ANKS1B: variants seen among roughly 807,000 people sequenced by gnomAD.
ANKS1B encodes ankyrin repeat and sterile alpha motif domain containing 1B, also known as ankyrin repeat and sterile alpha motif domain-containing protein 1B.
ANKS1B carries 36 observed loss-of-function variants against 148.3 expected under a neutral mutation model. That is an observed-to-expected ratio of 0.24 (90% CI 0.19 to 0.32). The LOEUF (loss-of-function observed/expected upper bound fraction) is 0.32, where lower values mean the gene tolerates loss of function less well. Ranked by LOEUF, ANKS1B falls within the 10% of genes least tolerant of loss-of-function variation. The pLI is 1.00. For synonymous variants in ANKS1B, 542 were observed against 560.8 expected (o/e 0.97, Z 0.47); for missense variants, 1,157 against 1,542.6 (o/e 0.75, Z 4.19).
At chr12:99,184,769 C>G (rs1010453177) in intron 14 of ANKS1B, among the ~76,000 whole-genome samples, 3 of 152,152 alleles carry the variant, frequency 2.0e-5, no homozygotes, top group African/African-American at 7.2e-5. Context: ...CCTGAATTTC[C>G]TCTGCCACTT....
chr12:99,077,045 A>C (rs2048096391), intron 16 of ANKS1B, among the ~76,000 whole-genome samples: 1 of 152,160 alleles, frequency 6.6e-6, no homozygotes, highest in Admixed American at 6.6e-5. Flanking sequence ...AAAAAACAAA[A>C]AACAAAAATA....
intron 12 of ANKS1B, among the ~76,000 whole-genome samples, chr12:99,314,224 C>A (rs2083637821): frequency 1.3e-5 from 2 of 151,986 alleles, no homozygotes; most frequent in Admixed American, 1.3e-4. Context: ...TGTGAAGGAC[C>A]TCTTCAAGGA....
intron 17 of ANKS1B, among the ~76,000 whole-genome samples, chr12:98,841,241 C>T (rs1179761209): frequency 1.3e-5 from 2 of 152,038 alleles, no homozygotes; most frequent in Non-Finnish European, 2.9e-5. Flanking sequence ...TAACATATAT[C>T]CATATAAAAT....
intron 1 of ANKS1B, among the ~76,000 whole-genome samples, chr12:99,850,411 C>G (rs949287712): frequency 6.6e-6 from 1 of 151,274 alleles, no homozygotes; most frequent in African/African-American, 2.4e-5. Context: ...TTTATAAACT[C>G]TTTTCTCTTA....
At chr12:99,285,777 G>C (rs2079050752) in intron 12 of ANKS1B, among the ~76,000 whole-genome samples, 1 of 152,034 alleles carries the variant, frequency 6.6e-6, no homozygotes, top group Non-Finnish European at 1.5e-5. Context: ...AGTAATTGTG[G>C]GACTTTGCAC....
chr12:99,014,923 T>C (rs2099941503), intron 17 of ANKS1B, among the ~76,000 whole-genome samples: 1 of 152,118 alleles, frequency 6.6e-6, no homozygotes, highest in South Asian at 2.1e-4. Context: ...TTGGTGTGAG[T>C]ATAAACTAGT....
chr12:99,366,070 T>TA (rs1411524332), intron 12 of ANKS1B, among the ~76,000 whole-genome samples: 1 of 152,218 alleles, frequency 6.6e-6, no homozygotes, highest in Non-Finnish European at 1.5e-5. Context: ...CTGTTCTCTG[T>TA]ATTACAGGGG....
In ANKS1B at chr12:98,829,401, C is replaced by T; in HGVS notation, c.2887-48G>A. On this transcript the variant is annotated intron_variant, in intron 18 of 26. Coordinates refer to ENST00000683438, the MANE Select transcript of ANKS1B (RefSeq NM_001352186.2). The surrounding 1 kb of genome is among the most constrained non-coding windows in gnomAD (Gnocchi z 5.2). ...ATAAATACCATGTTCTGTGGCTAAC[C>T]TTTGGTTTCAAAATTGTGAAATACT... The T allele has an allele frequency of 6.4e-7, 1 of 1,573,608 alleles. No individual in the cohort carries two copies. The highest frequency in any genetic ancestry group is 1.2e-5 in the South Asian group (1 of 86,270).
intron 12 of ANKS1B, among the ~76,000 whole-genome samples, chr12:99,265,960 G>A (rs2076402834): frequency 6.6e-6 from 1 of 152,102 alleles, no homozygotes; most frequent in Non-Finnish European, 1.5e-5. Flanking sequence ...TAATCAGCAT[G>A]TAGATGTCAC....
At chr12:99,150,812 C>T (rs948103425) in intron 15 of ANKS1B, among the ~76,000 whole-genome samples, 29 of 151,868 alleles carry the variant, frequency 1.9e-4, no homozygotes, top group African/African-American at 7.0e-4. Context: ...GGCAGCATTC[C>T]CAGAGGTTAG....
chr12:99,481,098 G>A (rs887763317), intron 10 of ANKS1B, among the ~76,000 whole-genome samples: 1 of 151,578 alleles, frequency 6.6e-6, no homozygotes, highest in African/African-American at 2.4e-5. Flanking sequence ...TTATATAGTG[G>A]TGAATTCTGA....
chr12:98,919,641 A>G (rs11109669), intron 17 of ANKS1B, among the ~76,000 whole-genome samples: 5,502 of 152,232 alleles, frequency 0.036, 145 homozygotes, highest in Non-Finnish European at 0.054. Context: ...ATCTAATTAG[A>G]TTTCTTTAAA....
At chr12:99,154,101 C>T (rs2075631091) in intron 15 of ANKS1B, among the ~76,000 whole-genome samples, 188 bp downstream of exon 15, 1 of 152,132 alleles carries the variant, frequency 6.6e-6, no homozygotes, top group Non-Finnish European at 1.5e-5. Flanking sequence ...ACATACAGAT[C>T]TCATTTTTTA....
At chr12:99,225,946 A>G (rs1033339600) in intron 14 of ANKS1B, among the ~76,000 whole-genome samples, 4 of 152,360 alleles carry the variant, frequency 2.6e-5, no homozygotes, top group African/African-American at 7.2e-5. Context: ...GAGAACCCTA[A>G]TACATGGATT....
At chr12:99,083,942 C>T (rs1001326889) in intron 16 of ANKS1B, 3 of 152,038 alleles carry the variant, frequency 2.0e-5, no homozygotes, top group Non-Finnish European at 4.4e-5. Flanking sequence ...AATTAAAATC[C>T]CACATATCTG....
At chr12:99,752,273 C>T (rs1189357213) in intron 8 of ANKS1B, among the ~76,000 whole-genome samples, 1 of 152,022 alleles carries the variant, frequency 6.6e-6, no homozygotes, top group Non-Finnish European at 1.5e-5. Context: ...CTCAGATATA[C>T]TGTTCTTCCT....
intron 8 of ANKS1B, among the ~76,000 whole-genome samples, chr12:99,687,822 T>G (rs1446840648): frequency 6.6e-6 from 1 of 152,142 alleles, no homozygotes; most frequent in Non-Finnish European, 1.5e-5. Context: ...TTTCTACTGA[T>G]TTATTTATTT....
At chr12:99,910,368 A>AAC (rs2093961108) in intron 1 of ANKS1B, among the ~76,000 whole-genome samples, 1 of 151,154 alleles carries the variant, frequency 6.6e-6, no homozygotes, top group Non-Finnish European at 1.5e-5. Flanking sequence ...AAAAAAAAAA[A>AAC]AAAAAAAAAG....
chr12:99,121,156 A>G (rs2062712357), intron 15 of ANKS1B, among the ~76,000 whole-genome samples: 1 of 151,812 alleles, frequency 6.6e-6, no homozygotes, highest in African/African-American at 2.4e-5. Context: ...GGGGACTAGT[A>G]GGATTATAGC....
Sources: allele counts gnomAD v4.1 joint callset (sites outside exome capture counted in the v4.1 genomes callset), GRCh38; gene constraint gnomAD v4.1.1; non-coding constraint Gnocchi (gnomAD v3.1); transcripts MANE v1.5; gene names NCBI Gene and HGNC (gene_info 2026-07-23, HGNC 2026-07-21).